ABCA12: variants seen among roughly 807,000 people sequenced by gnomAD.
The protein encoded by ABCA12 is glucosylceramide transporter ABCA12.
A neutral mutation model predicts 293.5 loss-of-function variants in ABCA12; 156 were observed. That is an observed-to-expected ratio of 0.53 (90% CI 0.47 to 0.61). The LOEUF is 0.61. Among genes scored for constraint, ABCA12 ranks in the 20% least tolerant of loss-of-function variants. The pLI, the probability that ABCA12 is intolerant of heterozygous loss-of-function variation, is 0.00. For synonymous variants in ABCA12, 1,063 were observed against 1,108.0 expected (o/e 0.96, Z 0.81); for missense variants, 2,797 against 3,090.2 (o/e 0.91, Z 2.25).
intron 24 of ABCA12, 94 bp from the exon 25 acceptor site, chr2:214,989,715 A>G (rs1040325572): frequency 1.4e-5 from 18 of 1,319,712 alleles, no homozygotes; most frequent in East Asian, 2.5e-5. Context: ...GGACATTTGT[A>G]TAGATAAAAT....
chr2:215,049,341 C>T (rs1020629503), intron 6 of ABCA12, among the ~76,000 whole-genome samples: 1 of 152,114 alleles, frequency 6.6e-6, no homozygotes, highest in Non-Finnish European at 1.5e-5. Context: ...TCAGAGAAAA[C>T]TATCAAACTT....
At chr2:215,011,287 T>C (rs1306931575) in intron 17 of ABCA12, 152 bp downstream of exon 17, 6 of 659,984 alleles carry the variant, frequency 9.1e-6, no homozygotes, top group Admixed American at 2.6e-5. Context: ...TATATAACAT[T>C]CTTGACATGT....
intron 2 of ABCA12, among the ~76,000 whole-genome samples, chr2:215,101,043 C>T (rs1209136909): frequency 6.6e-6 from 1 of 152,102 alleles, no homozygotes; most frequent in Non-Finnish European, 1.5e-5. Context: ...CGCACCTGTC[C>T]TAAAAACGTG....
chr2:214,994,656 G>T (rs1036732601), intron 23 of ABCA12, among the ~76,000 whole-genome samples: 1 of 151,670 alleles, frequency 6.6e-6, no homozygotes, highest in Non-Finnish European at 1.5e-5. Context: ...TTATATTATT[G>T]TTTTTTTTAG....
At position 214,989,616 on chromosome 2, in the gene ABCA12, C is replaced by A; in HGVS notation, c.3630G>T (p.Leu1210=). The change falls in exon 25 of 53, where the codon CTG becomes CTT. Residue 1210 remains leucine, a synonymous_variant. Transcript: ENST00000272895. ...CATAGCTGAATGCTGTTGGGGACAG[C>A]AGGCTCTGTGAAGAAAGGAAACGGC... is the stretch of plus-strand genomic sequence containing the variant. The part of the protein sequence containing the change: ...LSYVLKVFMS[L]LSPTAFSYAS... The A allele has an allele frequency of 6.2e-7, 1 of 1,613,888 alleles. No homozygotes were observed. The highest frequency in any genetic ancestry group is 8.5e-7 in the Non-Finnish European group (1 of 1,179,892).
At chr2:215,069,371 AT>A (rs368823813) in intron 2 of ABCA12, among the ~76,000 whole-genome samples, 105 of 152,328 alleles carry the variant, frequency 6.9e-4, no homozygotes, top group African/African-American at 2.4e-3. Flanking sequence ...AGAGAAGCAT[AT>A]CAAAAACATC....
chr2:215,086,919 TTTATTATTATTA>T (rs139025147), intron 2 of ABCA12, among the ~76,000 whole-genome samples: 128,393 of 151,072 alleles, frequency 0.85, 57,157 homozygotes, highest in Non-Finnish European at 0.97. Flanking sequence ...TAACTACCAG[TTTATTATTATTA>T]TTATTATTAT....
chr2:215,075,738 T>G, intron 2 of ABCA12: 1 of 581,212 alleles, frequency 1.7e-6, no homozygotes, highest in Non-Finnish European at 3.0e-6. Flanking sequence ...CAAATTTTAG[T>G]AATTACCCCA....
chr2:214,978,718 T>G lies in ABCA12; in HGVS notation c.4977+86A>C, dbSNP rs1005349496. On this transcript the variant is annotated intron_variant, in intron 32 of 52. Coordinates refer to ENST00000272895, the MANE Select transcript of ABCA12 (RefSeq NM_173076.3). ...CTAATTTTGTGAACTATTTTAAAAA[T>G]TTTTTTAGAAAAATGGCACATATTT... 16 of 1,449,196 alleles carry G rather than the reference T, an allele frequency of 1.1e-5. No individual in the cohort carries two copies. In the African/African-American group the frequency reaches 2.3e-4, roughly 21 times the overall value. The allele number at this position is 1,449,196 out of a possible 1,614,324, so 89.8% of individuals were successfully genotyped here.
At chr2:215,075,414 T>C (rs1040676656) in intron 2 of ABCA12, 5 of 566,506 alleles carry the variant, frequency 8.8e-6, no homozygotes, top group African/African-American at 5.8e-5. Context: ...GAACTATATA[T>C]TGGCAAAATT....
intron 8 of ABCA12, 46 bp from the exon 9 acceptor site, chr2:215,031,942 T>C (rs867022818): frequency 1.2e-6 from 2 of 1,610,894 alleles, no homozygotes; most frequent in Middle Eastern, 1.7e-4. Context: ...CATGTTTGCT[T>C]AAAGATTTTT....
Position 215,019,687 on chromosome 2 carries a change from T to C in ABCA12, c.1397A>G (p.Glu466Gly). The C allele has an allele frequency of 6.2e-7, 1 of 1,614,188 alleles. No individual in the cohort carries two copies. Among genetic ancestry groups the C allele is most frequent in the Non-Finnish European group, 8.5e-7 (1 of 1,180,020 alleles). ...GAGGAGTTGCAGATCAAACTCACTT[T>C]CTTCACACAGGCTCCCAAAGCTCAT... Reference protein sequence around the residue: ...SDMSFGSLCEESEFDLQLLEA... With the variant: ...SDMSFGSLCEGSEFDLQLLEA... The change falls in exon 12 of 53, where the codon GAA becomes GGA. Residue 466 changes from glutamate to glycine, a missense_variant. Around this residue, in one of 3 missense-constraint regions of ABCA12, gnomAD observed 656 missense variants for 638.2 expected, o/e 1.03. Coordinates refer to ENST00000272895, the MANE Select transcript of ABCA12 (RefSeq NM_173076.3).
chr2:215,110,397 C>G (rs1702548124), intron 2 of ABCA12, among the ~76,000 whole-genome samples: 1 of 152,068 alleles, frequency 6.6e-6, no homozygotes, highest in Admixed American at 6.6e-5. Context: ...TGTAGTCCCA[C>G]CTACTCAGGA....
chr2:215,049,983 A>G lies in ABCA12; in HGVS notation c.508-172T>C, dbSNP rs570073936. On this transcript the variant is annotated intron_variant, in intron 5 of 52. Coordinates refer to ENST00000272895, the MANE Select transcript of ABCA12 (RefSeq NM_173076.3). Reference sequence around the variant, plus strand: ...GATAGAGTTTACCCATGAAACTTGTAGAGCGAATGCATGAATGTGGTAAAT... The same window carrying G: ...GATAGAGTTTACCCATGAAACTTGTGGAGCGAATGCATGAATGTGGTAAAT... Among the ~76,000 whole-genome samples the G allele has an allele frequency of 8.5e-5, 13 of 152,316 alleles. No homozygotes were observed. The South Asian group carries it at 2.7e-3, about 32-fold the overall frequency.
intron 22 of ABCA12, 103 bp downstream of exon 22, chr2:215,000,602 G>T: frequency 7.3e-7 from 1 of 1,379,182 alleles, no homozygotes; most frequent in Non-Finnish European, 1.0e-6. Flanking sequence ...CAAAAGTTTG[G>T]TGAATGTTGT....
At chr2:215,131,204 G>A (rs1703047171) in intron 1 of ABCA12, among the ~76,000 whole-genome samples, 1 of 151,778 alleles carries the variant, frequency 6.6e-6, no homozygotes, top group African/African-American at 2.4e-5. Context: ...TTGTTGTTGT[G>A]TCCTTGCCTG....
intron 37 of ABCA12, 64 bp from the exon 38 acceptor site, chr2:214,968,871 A>C: frequency 1.4e-6 from 2 of 1,464,522 alleles, no homozygotes. Context: ...ATAGATCTAA[A>C]ATACTTAACG....
intron 19 of ABCA12, among the ~76,000 whole-genome samples, chr2:215,006,404 A>C (rs2105995484): frequency 6.6e-6 from 1 of 152,276 alleles, no homozygotes; most frequent in African/African-American, 2.4e-5. Flanking sequence ...ATTAATAGGA[A>C]ATTGTGGGGA....
intron 45 of ABCA12, among the ~76,000 whole-genome samples, chr2:214,950,368 G>A (rs1160378608): frequency 8.1e-6 from 1 of 124,160 alleles, no homozygotes; most frequent in Admixed American, 9.6e-5. Context: ...ATATATATGT[G>A]TGTGTATATA....
Sources: gnomAD v4.1 joint callset for allele counts (sites outside exome capture counted in the v4.1 genomes callset) on GRCh38, gnomAD v4.1.1 for gene constraint, gnomAD v4.1.1 regional missense constraint, MANE v1.5 for transcripts, NCBI Gene and HGNC (gene_info 2026-07-23, HGNC 2026-07-21) for gene names.